The following OR2L13 variants were observed in gnomAD, a reference collection of about 807,000 sequenced individuals.
The protein encoded by OR2L13 is olfactory receptor family 2 subfamily L member 13, also known as olfactory receptor 2L13.
OR2L13 carries 14 observed loss-of-function variants against 15.3 expected under a neutral mutation model. The ratio of observed to expected loss-of-function variants is 0.91; its 90% CI spans 0.60 to 1.43. The LOEUF (loss-of-function observed/expected upper bound fraction) is 1.43. OR2L13 is among the 40% of genes most tolerant of loss of function. OR2L13 has a pLI of 0.00. For missense variants in OR2L13, 367 were observed against 387.9 expected, an observed-to-expected ratio of 0.95 and a Z score of 0.45; for synonymous variants, 152 against 142.9, an observed-to-expected ratio of 1.06 and a Z score of -0.45.
At chr1:248,085,335 C>T in the OR2L13 span, among the ~76,000 whole-genome samples, 8 of 150,892 alleles carry the variant, frequency 5.3e-5, no homozygotes, top group Non-Finnish European at 1.5e-5. Context: ...AAACCACCAT[C>T]GCCCTGGTAT....
chr1:248,083,963 G>T, the OR2L13 span: 1 of 1,611,742 alleles, frequency 6.2e-7, no homozygotes, highest in Non-Finnish European at 8.5e-7. Context: ...AGGACAGGAT[G>T]AGGGAAAAGG....
chr1:248,019,459 G>A, the OR2L13 span, among the ~76,000 whole-genome samples: 1 of 152,288 alleles, frequency 6.6e-6, no homozygotes, highest in South Asian at 2.1e-4. Flanking sequence ...CACAGAGGCT[G>A]TAGAACTTCA....
At chr1:248,035,762 G>A in the OR2L13 span, 2 of 152,100 alleles carry the variant, frequency 1.3e-5, no homozygotes, top group African/African-American at 4.8e-5. Context: ...ACAGTCAATA[G>A]TGACCTGCTT....
chr1:247,993,291 C>T, the OR2L13 span, among the ~76,000 whole-genome samples: 2 of 150,242 alleles, frequency 1.3e-5, no homozygotes, highest in African/African-American at 4.9e-5. Context: ...TTGTCAGATG[C>T]ATACTGTGCA....
chr1:248,037,222 T>G, the OR2L13 span, among the ~76,000 whole-genome samples: 1 of 152,282 alleles, frequency 6.6e-6, no homozygotes, highest in African/African-American at 2.4e-5. Context: ...GATGTCTAAC[T>G]TAGAGAAAGT....
chr1:248,034,807 T>C, the OR2L13 span, among the ~76,000 whole-genome samples: 6 of 152,332 alleles, frequency 3.9e-5, no homozygotes, highest in African/African-American at 1.2e-4. Context: ...GAAGCCTAGG[T>C]TCAGAACAGA....
chr1:247,970,230 T>C, the OR2L13 span, among the ~76,000 whole-genome samples: 1 of 152,220 alleles, frequency 6.6e-6, no homozygotes, highest in African/African-American at 2.4e-5. Flanking sequence ...GTCTCTCATA[T>C]ACATTTTATA....
At chr1:247,947,635 A>T in the OR2L13 span, among the ~76,000 whole-genome samples, 1 of 152,198 alleles carries the variant, frequency 6.6e-6, no homozygotes, top group Admixed American at 6.5e-5. Flanking sequence ...GAAGCAAAAG[A>T]CAAAATCTGT....
chr1:248,051,068 A>T, the OR2L13 span: 12 of 152,294 alleles, frequency 7.9e-5, no homozygotes, highest in African/African-American at 2.6e-4. Context: ...TTAAGTACAT[A>T]TATTGTTGTG....
the OR2L13 span, among the ~76,000 whole-genome samples, chr1:248,018,686 G>A: frequency 2.0e-5 from 3 of 152,148 alleles, no homozygotes; most frequent in African/African-American, 7.2e-5. Flanking sequence ...TCTTTTAAGT[G>A]TACAGTTCTG....
At chr1:247,966,076 C>T in the OR2L13 span, 4 of 1,614,068 alleles carry the variant, frequency 2.5e-6, no homozygotes, top group African/African-American at 2.7e-5. Context: ...AGGAAAAGGA[C>T]AGGCAAAAGC....
the OR2L13 span, among the ~76,000 whole-genome samples, chr1:247,991,521 C>CT: frequency 1.3e-5 from 2 of 148,906 alleles, no homozygotes; most frequent in Non-Finnish European, 3.0e-5. Context: ...CAAGAGTTTC[C>CT]CTATAAGAGG....
chr1:248,016,017 C>T, the OR2L13 span, among the ~76,000 whole-genome samples: 4,809 of 152,198 alleles, frequency 0.032, 230 homozygotes, highest in African/African-American at 0.11. Flanking sequence ...TCATGAATAA[C>T]GCTCTTCAAA....
At chr1:248,063,114 T>A in the OR2L13 span, 2 of 152,212 alleles carry the variant, frequency 1.3e-5, no homozygotes, top group Non-Finnish European at 2.9e-5. Context: ...TAAATAATGG[T>A]TTTTACTATT....
the OR2L13 span, among the ~76,000 whole-genome samples, chr1:248,070,585 C>T: frequency 6.6e-6 from 1 of 152,088 alleles, no homozygotes; most frequent in Non-Finnish European, 1.5e-5. Context: ...CAAGAGCAAA[C>T]AGATTCAAAC....
chr1:247,999,286 A>G, the OR2L13 span, among the ~76,000 whole-genome samples: 1 of 152,144 alleles, frequency 6.6e-6, no homozygotes. Context: ...TTCCAAAATA[A>G]CAGACAAAGG....
the OR2L13 span, chr1:248,038,484 A>G: frequency 2.5e-6 from 4 of 1,613,720 alleles, no homozygotes; most frequent in Non-Finnish European, 3.4e-6. Context: ...CCTAAATTAC[A>G]TCTCCACCAT....
At chr1:247,993,344 T>TGTTG in the OR2L13 span, among the ~76,000 whole-genome samples, 32 of 146,998 alleles carry the variant, frequency 2.2e-4, no homozygotes, top group African/African-American at 6.4e-4. Context: ...TCCTCGTTGT[T>TGTTG]TTTTTTTTTT....
At chr1:248,101,141 A>C (rs529816740), downstream of OR2L13, 1 of 152,252 alleles carries the variant, frequency 6.6e-6, no homozygotes, top group African/African-American at 2.4e-5. Context: ...AAAATTAATA[A>C]AATCTTTATA....
Sources: gnomAD v4.1 joint callset for allele counts (sites outside exome capture counted in the v4.1 genomes callset) on GRCh38, gnomAD v4.1.1 for gene constraint, MANE v1.5 for transcripts, NCBI Gene and HGNC (gene_info 2026-07-23, HGNC 2026-07-21) for gene names.